Variants in GRIK3 observed in about 807,000 individuals in gnomAD.
GRIK3 encodes glutamate ionotropic receptor kainate type subunit 3.
GRIK3 carries 29 observed loss-of-function variants against 102.5 expected under a neutral mutation model. The observed-to-expected ratio is 0.28, with a 90% CI of 0.21 to 0.39. GRIK3 has a LOEUF of 0.39. Ranked by LOEUF, GRIK3 falls within the 10% of genes least tolerant of loss-of-function variation. The probability of loss-of-function intolerance (pLI) is 1.00; values close to 1 mark genes in which losing one functional copy is unlikely to be tolerated. For synonymous variants in GRIK3, 511 were observed against 504.9 expected (o/e 1.01, Z -0.16); for missense variants, 908 against 1,252.4 (o/e 0.73, Z 4.15).
At chr1:37,022,801 G>T (rs1312552219) in intron 1 of GRIK3, among the ~76,000 whole-genome samples, 1 of 152,170 alleles carries the variant, frequency 6.6e-6, no homozygotes, top group Non-Finnish European at 1.5e-5. Flanking sequence ...TTATCTACTA[G>T]GAGTCCTGCA....
chr1:36,999,839 A>G (rs1474484477), intron 1 of GRIK3, among the ~76,000 whole-genome samples: 1 of 151,916 alleles, frequency 6.6e-6, no homozygotes, highest in Non-Finnish European at 1.5e-5. Context: ...AGAACTTACC[A>G]TTACTAAATT....
At chr1:36,844,536 G>A (rs936386208) in intron 9 of GRIK3, among the ~76,000 whole-genome samples, 1 of 152,190 alleles carries the variant, frequency 6.6e-6, no homozygotes, top group African/African-American at 2.4e-5. Flanking sequence ...TGGTGGCCCT[G>A]ACTTTAGCTG....
At chr1:36,843,253 G>A (rs1379041897) in intron 9 of GRIK3, among the ~76,000 whole-genome samples, 1 of 152,148 alleles carries the variant, frequency 6.6e-6, no homozygotes, top group Non-Finnish European at 1.5e-5. Flanking sequence ...CCACGCTTTT[G>A]CCGGCACCGT....
chr1:37,014,052 A>G (rs921044377), intron 1 of GRIK3, among the ~76,000 whole-genome samples: 1 of 152,220 alleles, frequency 6.6e-6, no homozygotes, highest in Non-Finnish European at 1.5e-5. Flanking sequence ...GTGCTCCTGC[A>G]TTCTTCACAA....
chr1:36,949,786 C>T (rs1016890961), intron 1 of GRIK3, among the ~76,000 whole-genome samples: 1 of 151,958 alleles, frequency 6.6e-6, no homozygotes, highest in Non-Finnish European at 1.5e-5. Context: ...ACCATGTTGG[C>T]CAGGATGGTT....
intron 15 of GRIK3, 123 bp from the exon 16 acceptor site, chr1:36,802,168 C>T: frequency 1.6e-6 from 1 of 639,254 alleles, no homozygotes; most frequent in Non-Finnish European, 2.7e-6. Flanking sequence ...CTTTCTCACA[C>T]CTTCACCCCA....
intron 1 of GRIK3, among the ~76,000 whole-genome samples, chr1:36,938,867 A>G (rs1019720029): frequency 2.6e-5 from 4 of 152,166 alleles, no homozygotes; most frequent in South Asian, 2.1e-4. Flanking sequence ...AACTACAACA[A>G]ATGAAAGCCT....
intron 5 of GRIK3, among the ~76,000 whole-genome samples, chr1:36,863,089 G>A (rs887761767): frequency 2.6e-5 from 4 of 152,148 alleles, no homozygotes; most frequent in Admixed American, 1.3e-4. Flanking sequence ...ATGGGCACAC[G>A]ACTAGGATGG....
At chr1:36,856,992 C>T (rs1040671424) in intron 7 of GRIK3, among the ~76,000 whole-genome samples, 1 of 152,182 alleles carries the variant, frequency 6.6e-6, no homozygotes, top group African/African-American at 2.4e-5. Flanking sequence ...ACGAGCCAGG[C>T]GTTGTCCCTA....
intron 1 of GRIK3, among the ~76,000 whole-genome samples, chr1:36,929,107 C>T (rs1641560898): frequency 6.6e-6 from 1 of 152,102 alleles, no homozygotes; most frequent in Non-Finnish European, 1.5e-5. Flanking sequence ...GGTGAAGAAA[C>T]CTGCCCAAGG....
At chr1:36,859,435 C>T (rs991653350) in intron 6 of GRIK3, among the ~76,000 whole-genome samples, 184 bp from the exon 7 acceptor site, 1 of 152,186 alleles carries the variant, frequency 6.6e-6, no homozygotes, top group South Asian at 2.1e-4. Context: ...GCTGACTCTG[C>T]TGCTCTACAA....
chr1:36,874,701 T>C, intron 3 of GRIK3, among the ~76,000 whole-genome samples: 1 of 152,160 alleles, frequency 6.6e-6, no homozygotes, highest in Non-Finnish European at 1.5e-5. Context: ...TTTTGAGACT[T>C]ATGTGCAGCA....
At chr1:37,009,785 C>T (rs960007656) in intron 1 of GRIK3, among the ~76,000 whole-genome samples, 12 of 152,198 alleles carry the variant, frequency 7.9e-5, no homozygotes, top group East Asian at 5.8e-4. Flanking sequence ...CTGGGCTGGG[C>T]TGGACTGAAG....
rs147775704 is a variant in GRIK3 at position 36,882,924 on chromosome 1, C to A, written c.293-2033G>T. The stretch of plus-strand genomic sequence containing the variant: ...TTAGTTTTCCGCCAGTTGCAACCAT[C>A]GGAGATCCACCAACAGAGCATGAGC... On this transcript the variant is annotated intron_variant, in intron 2 of 15. Coordinates refer to ENST00000373091, the MANE Select transcript of GRIK3 (RefSeq NM_000831.4). Among the ~76,000 whole-genome samples the A allele has an allele frequency of 1.8e-4, 27 of 152,336 alleles. 1 individual carries two copies. Among genetic ancestry groups the A allele is most frequent in the African/African-American group, 6.0e-4 (25 of 41,578 alleles).
intron 1 of GRIK3, among the ~76,000 whole-genome samples, chr1:37,002,189 C>G (rs1196875853): frequency 6.6e-6 from 1 of 152,108 alleles, no homozygotes. Context: ...GTATGATTTA[C>G]AAAATACATA....
intron 3 of GRIK3, among the ~76,000 whole-genome samples, chr1:36,878,823 G>A (rs1640935908): frequency 6.6e-6 from 1 of 152,250 alleles, no homozygotes; most frequent in South Asian, 2.1e-4. Context: ...ATCGCTCCAG[G>A]GAGTTACTAT....
At chr1:36,902,443 C>T (rs1028061928) in intron 1 of GRIK3, among the ~76,000 whole-genome samples, 2 of 152,024 alleles carry the variant, frequency 1.3e-5, no homozygotes, top group African/African-American at 2.4e-5. Context: ...TAAAGTCGAC[C>T]GATCTTTGAC....
intron 3 of GRIK3, among the ~76,000 whole-genome samples, chr1:36,874,483 C>T (rs1188590805): frequency 5.3e-5 from 8 of 152,178 alleles, no homozygotes; most frequent in African/African-American, 1.9e-4. Context: ...CCTGTGCTTC[C>T]TAATACCAGA....
At chr1:36,836,698 GGCCATC>G (rs1349771779) in intron 10 of GRIK3, among the ~76,000 whole-genome samples, 31 of 152,262 alleles carry the variant, frequency 2.0e-4, no homozygotes, top group Middle Eastern at 3.4e-3. Flanking sequence ...CTTCTTATCT[GGCCATC>G]CATACTGCAG....
Sources: allele counts gnomAD v4.1 joint callset (sites outside exome capture counted in the v4.1 genomes callset), GRCh38; gene constraint gnomAD v4.1.1; transcripts MANE v1.5; gene names NCBI Gene and HGNC (gene_info 2026-07-23, HGNC 2026-07-21).